The following TUBA1C variants were observed in gnomAD, a reference collection of about 807,000 sequenced individuals.
The protein encoded by TUBA1C is tubulin alpha-1C chain.
In TUBA1C, 16 loss-of-function variants were observed where a neutral mutation model predicts 34.9. The ratio of observed to expected loss-of-function variants is 0.46; its 90% CI spans 0.31 to 0.70. The LOEUF (loss-of-function observed/expected upper bound fraction) is 0.70. TUBA1C is among the 30% of genes least tolerant of loss of function. The pLI, the probability that TUBA1C is intolerant of heterozygous loss-of-function variation, is 0.05. For missense variants in TUBA1C, 329 were observed against 587.3 expected, an observed-to-expected ratio of 0.56 and a Z score of 4.55; for synonymous variants, 177 against 215.9, an observed-to-expected ratio of 0.82 and a Z score of 1.58.
At chr12:49,242,114 C>T (rs1454847217) in intron 1 of TUBA1C, among the ~76,000 whole-genome samples, 2 of 151,782 alleles carry the variant, frequency 1.3e-5, no homozygotes, top group Non-Finnish European at 2.9e-5. Context: ...CTCAGCCTCC[C>T]GAGTAACTGG....
upstream of TUBA1C, chr12:49,265,073 C>T (rs563936714): frequency 1.5e-4 from 216 of 1,398,324 alleles, 2 homozygotes; most frequent in South Asian, 7.0e-4. Context: ...CGGGGCCGGC[C>T]ACCCTTTCAC....
At position 49,266,434 on chromosome 12, in the gene TUBA1C, CA is replaced by C. The variant is rs934400855; in HGVS notation, c.3+1259del. 6.0e-5 allele frequency among the ~76,000 whole-genome samples: 9 copies of C among 150,284 alleles called. No individual in the cohort carries two copies. The South Asian group carries it at 1.3e-3, about 21-fold the overall frequency. ...GACAGAGCAAGACTCCGTCCAAAAACAAAAAAAAACCCGCAAACCCCAGAGT... is the reference window on the plus strand; with the variant it reads ...GACAGAGCAAGACTCCGTCCAAAAACAAAAAAAACCCGCAAACCCCAGAGT... On this transcript the variant is annotated intron_variant, in intron 1 of 3. Transcript: ENST00000301072.
At chr12:49,235,812 T>C (rs1369464939) in intron 1 of TUBA1C, among the ~76,000 whole-genome samples, 1 of 151,992 alleles carries the variant, frequency 6.6e-6, no homozygotes, top group Non-Finnish European at 1.5e-5. Context: ...GAAAGTGGCC[T>C]GTGTTGAGGA....
At chr12:49,264,017 G>A (rs1249703353), upstream of TUBA1C, among the ~76,000 whole-genome samples, 1 of 151,968 alleles carries the variant, frequency 6.6e-6, no homozygotes, top group Non-Finnish European at 1.5e-5. Context: ...TCAAGAGATC[G>A]AGACCATCCT....
chr12:49,234,431 T>C (rs941251651), intron 1 of TUBA1C, among the ~76,000 whole-genome samples: 2 of 152,196 alleles, frequency 1.3e-5, no homozygotes, highest in Admixed American at 6.5e-5. Flanking sequence ...CAAACCAGAG[T>C]AGGCTTCCAG....
intron 3 of TUBA1C, among the ~76,000 whole-genome samples, chr12:49,270,789 G>A (rs1172318271): frequency 6.6e-6 from 1 of 152,118 alleles, no homozygotes; most frequent in Non-Finnish European, 1.5e-5. Flanking sequence ...GACCATCCTG[G>A]CTAACATGGT....
chr12:49,230,269 A>G lies in TUBA1C; in HGVS notation c.213+2103A>G, dbSNP rs187974896. On this transcript the variant is annotated intron_variant, in intron 1 of 3. Transcript: ENST00000541364. ...TTTAATGGCATACAAGTCAACATTT[A>G]ACCATATTTGTATTTATGGGGCAGG... 1.9e-3 allele frequency among the ~76,000 whole-genome samples: 283 copies of G among 152,266 alleles called. 1 individual carries two copies. The highest frequency in any genetic ancestry group is 6.0e-3 in the African/African-American group (251 of 41,546).
At chr12:49,262,900 A>G (rs1942855012), upstream of TUBA1C, among the ~76,000 whole-genome samples, 1 of 152,178 alleles carries the variant, frequency 6.6e-6, no homozygotes, top group African/African-American at 2.4e-5. Context: ...ATCTGTTAAC[A>G]TAAAGGTTAA....
rs537544846 is a variant in TUBA1C, at chr12:49,268,517, A to G, written c.4-948A>G. Among the ~76,000 whole-genome samples, 3 of 152,120 alleles carry G rather than the reference A, an allele frequency of 2.0e-5. No homozygotes were observed. The South Asian group carries it at 6.2e-4, about 32-fold the overall frequency. ...CTTGGCCTCCCAAAGTGCTGGGATTACAGGTGTGAGCCAGAAACAACTAAT... is the reference window on the plus strand; with the variant it reads ...CTTGGCCTCCCAAAGTGCTGGGATTGCAGGTGTGAGCCAGAAACAACTAAT... On this transcript the variant is annotated intron_variant, in intron 1 of 3. Coordinates refer to ENST00000301072, the MANE Select transcript of TUBA1C (RefSeq NM_032704.5).
chr12:49,265,575 C>T (rs1322092613), intron 1 of TUBA1C, among the ~76,000 whole-genome samples: 1 of 152,222 alleles, frequency 6.6e-6, no homozygotes, highest in Non-Finnish European at 1.5e-5. Context: ...AACTGGGCCC[C>T]GGAGGCCCTC....
intron 1 of TUBA1C, among the ~76,000 whole-genome samples, chr12:49,230,498 C>T (rs1244569869): frequency 6.6e-6 from 1 of 152,156 alleles, no homozygotes; most frequent in African/African-American, 2.4e-5. Context: ...GTTCTCCAGA[C>T]ATTTATTCCT....
intron 3 of TUBA1C, among the ~76,000 whole-genome samples, chr12:49,270,471 T>C (rs1189664412): frequency 6.6e-6 from 1 of 152,182 alleles, no homozygotes; most frequent in East Asian, 1.9e-4. Context: ...AGATGACTCT[T>C]TGCTCCTTAG....
Position 49,269,698 on chromosome 12 carries a change from C to T in TUBA1C, c.226+11C>T. The T allele has an allele frequency of 6.2e-7, 1 of 1,613,730 alleles. No individual in the cohort carries two copies. Among genetic ancestry groups the T allele is most frequent in the Non-Finnish European group, 8.5e-7 (1 of 1,179,754 alleles). On this transcript the variant is annotated intron_variant, in intron 2 of 3. Coordinates refer to ENST00000301072, the MANE Select transcript of TUBA1C (RefSeq NM_032704.5). The stretch of plus-strand genomic sequence containing the variant: ...AACCCACAGTCATTGGTGAGTTGAC[C>T]TCAGTAACCCAAGTGAGATCCCAGG...
intron 1 of TUBA1C, among the ~76,000 whole-genome samples, chr12:49,231,525 G>A (rs1005539186): frequency 1.1e-4 from 16 of 152,274 alleles, no homozygotes; most frequent in African/African-American, 1.7e-4. Context: ...GGCACTGTGC[G>A]AAATATAAAG....
chr12:49,265,046 G>A (rs1486636331), upstream of TUBA1C: 6 of 1,233,562 alleles, frequency 4.9e-6, no homozygotes, highest in African/African-American at 6.2e-5. Flanking sequence ...GCCGGGGACC[G>A]GGTATATAAG....
intron 1 of TUBA1C, among the ~76,000 whole-genome samples, chr12:49,266,409 G>A (rs1287004243): frequency 1.3e-5 from 2 of 150,960 alleles, no homozygotes; most frequent in Admixed American, 6.6e-5. Context: ...CAGCCTGGGC[G>A]ACAGAGCAAG....
At position 49,240,550 on chromosome 12, in the gene TUBA1C, G is replaced by A. The variant is rs1197462829; in HGVS notation, c.213+12384G>A. 2.6e-5 allele frequency among the ~76,000 whole-genome samples: 4 copies of A among 152,120 alleles called. No individual in the cohort carries two copies. In the East Asian group the frequency reaches 5.8e-4, roughly 22 times the overall value. The stretch of plus-strand genomic sequence containing the variant: ...CCCCCACAGGGTGCCCCTGCTGTGA[G>A]TTGGCAGCACCTCCAAGTTCCCCAT... On this transcript the variant is annotated intron_variant, in intron 1 of 3. Transcript: ENST00000541364.
At chr12:49,232,093 A>G (rs1942504105) in intron 1 of TUBA1C, among the ~76,000 whole-genome samples, 1 of 152,148 alleles carries the variant, frequency 6.6e-6, no homozygotes, top group Non-Finnish European at 1.5e-5. Context: ...GGGCCACCCA[A>G]CGCTTGCTTT....
chr12:49,273,429 A>G lies in TUBA1C; in HGVS notation c.*202A>G, dbSNP rs1331875720. 4.5e-6 allele frequency: 4 copies of G among 890,256 alleles called. No homozygotes were observed. The East Asian group carries it at 1.1e-4, about 24-fold the overall frequency. The allele number at this position is 890,256 out of a possible 1,614,324, so 55.1% of individuals were successfully genotyped here. A position where few individuals can be genotyped will look rare whatever the true frequency, so the allele number is the denominator to read the frequency against. On this transcript the variant is annotated 3_prime_UTR_variant, in exon 4 of 4. Transcript: ENST00000301072. ...AGTCGAGGGTCTTGCTCTGTCACCC[A>G]GGCTGGAGTGCAGTGGCATGATAAT... is the stretch of plus-strand genomic sequence containing the variant.
Sources: gnomAD v4.1 joint callset for allele counts (sites outside exome capture counted in the v4.1 genomes callset) on GRCh38, gnomAD v4.1.1 for gene constraint, MANE v1.5 for transcripts, NCBI Gene and HGNC (gene_info 2026-07-23, HGNC 2026-07-21) for gene names.